CES1: variants seen among roughly 807,000 people sequenced by gnomAD.
CES1 encodes the protein carboxylesterase 1.
CES1 carries 50 observed loss-of-function variants against 53.0 expected under a neutral mutation model. The observed-to-expected ratio is 0.94, with a 90% CI of 0.75 to 1.19. CES1 has a LOEUF of 1.19. Among genes scored for constraint, CES1 ranks in the 50% most tolerant of loss-of-function variants. CES1 has a pLI of 0.00. For synonymous variants in CES1, 202 were observed against 210.1 expected, an observed-to-expected ratio of 0.96 and a Z score of 0.33; for missense variants, 534 against 538.0, an observed-to-expected ratio of 0.99 and a Z score of 0.07.
intron 9 of CES1, among the ~76,000 whole-genome samples, chr16:55,811,551 C>T (rs1422790330): frequency 6.6e-6 from 1 of 152,192 alleles, no homozygotes; most frequent in African/African-American, 2.4e-5. Flanking sequence ...CACTCAGGGA[C>T]TCGACCAATC....
chr16:55,831,560 G>A (rs1297883329), intron 1 of CES1, among the ~76,000 whole-genome samples: 3 of 150,540 alleles, frequency 2.0e-5, no homozygotes, highest in Non-Finnish European at 4.4e-5. Flanking sequence ...GCCTTGCTGG[G>A]TAGGCATCAA....
intron 2 of CES1, 48 bp from the exon 3 acceptor site, chr16:55,826,343 G>C (rs777066743): frequency 6.2e-7 from 1 of 1,611,594 alleles, no homozygotes; most frequent in Admixed American, 1.7e-5. Flanking sequence ...AGATCTAAGC[G>C]AGGTGTTTTC....
chr16:55,812,535 C>T (rs538767989), intron 9 of CES1: 11 of 354,554 alleles, frequency 3.1e-5, no homozygotes, highest in East Asian at 1.6e-4. Context: ...ACACCCAGCC[C>T]GAGGTGGGAA....
At chr16:55,829,092 C>T (rs1474774770) in intron 1 of CES1, 118 bp from the exon 2 acceptor site, 38 of 1,133,548 alleles carry the variant, frequency 3.4e-5, no homozygotes, top group Non-Finnish European at 4.6e-5. Context: ...ACCCTCTAGG[C>T]CTCAGTTTCT....
chr16:55,830,819 A>AAGGAAGGCAGGAAGGCAGGC (rs1454708070), intron 1 of CES1, among the ~76,000 whole-genome samples: 1 of 127,288 alleles, frequency 7.9e-6, no homozygotes, highest in African/African-American at 3.5e-5. Context: ...GGAAGGAAGG[A>AAGGAAGGCAGGAAGGCAGGC]AGGCAGGCAG....
intron 10 of CES1, 95 bp from the exon 11 acceptor site, chr16:55,810,759 G>A: frequency 1.3e-6 from 2 of 1,516,232 alleles, no homozygotes; most frequent in Non-Finnish European, 1.8e-6. Flanking sequence ...AACCCCATAA[G>A]CCCTGTGCAA....
At chr16:55,815,718 T>C (rs1205376662) in intron 8 of CES1, among the ~76,000 whole-genome samples, 1 of 146,218 alleles carries the variant, frequency 6.8e-6, no homozygotes, top group Non-Finnish European at 1.5e-5. Flanking sequence ...AGCCCTTGCC[T>C]GGATTATGGC....
chr16:55,808,681 C>T (rs1475815054), intron 11 of CES1, among the ~76,000 whole-genome samples: 1 of 152,092 alleles, frequency 6.6e-6, no homozygotes, highest in African/African-American at 2.4e-5. Flanking sequence ...TTAGGCTGAG[C>T]TCAATGTTAT....
rs12149371 is a variant in CES1, at chr16:55,833,094, T to A, written c.-39A>T. 9 of 1,452,128 alleles carry A rather than the reference T, an allele frequency of 6.2e-6. No individual in the cohort carries two copies. Among genetic ancestry groups the A allele is most frequent in the Non-Finnish European group, 8.6e-6 (9 of 1,052,508 alleles). The allele number at this position is 1,452,128 out of a possible 1,614,324, so 90.0% of individuals were successfully genotyped here. On this transcript the variant is annotated 5_prime_UTR_variant, in exon 1 of 14. Transcript: ENST00000360526. ...CAGTTCTCGGGGCCTGCGAGGTCTC[T>A]GTGCAGTTCAGAGGGACTGTGCTGT...
intron 1 of CES1, among the ~76,000 whole-genome samples, chr16:55,830,320 C>CA (rs1235984720): frequency 1.3e-5 from 2 of 152,282 alleles, no homozygotes; most frequent in East Asian, 3.9e-4. Context: ...TCCTTGGAAG[C>CA]ATGTTTATCG....
chr16:55,831,580 T>C (rs1291339136), intron 1 of CES1, among the ~76,000 whole-genome samples: 3 of 150,260 alleles, frequency 2.0e-5, no homozygotes, highest in African/African-American at 7.3e-5. Context: ...ACATGCCCAT[T>C]TTACAGAGGA....
At position 55,830,685 on chromosome 16, in the gene CES1, C is replaced by A. The variant is rs1256434476; in HGVS notation, c.53-1711G>T. ...GGGTGTGGTAGCATGTGCCTGTAAT[C>A]CTGGCTCCTCCAGAGAGAGAGAAGA... On this transcript the variant is annotated intron_variant, in intron 1 of 13. Coordinates refer to ENST00000360526, the MANE Select transcript of CES1 (RefSeq NM_001025195.2). Among the ~76,000 whole-genome samples the A allele has an allele frequency of 4.7e-5, 7 of 150,334 alleles. 1 individual carries two copies. The highest frequency in any genetic ancestry group is 1.7e-4 in the African/African-American group (7 of 40,664).
chr16:55,832,479 G>A (rs28379974), intron 1 of CES1, among the ~76,000 whole-genome samples: 6,134 of 151,952 alleles, frequency 0.04, 413 homozygotes, highest in African/African-American at 0.14. Flanking sequence ...TTTAGAAACA[G>A]CCACCCATTT....
chr16:55,826,291 T>C lies in CES1; in HGVS notation c.265A>G (p.Thr89Ala). Reference sequence around the variant, plus strand: ...AACTGCCCCGCCTTGGGATCTTGGGTGCACCTGGGGAGGGGGAAAGAAGAA... The same window carrying C: ...AACTGCCCCGCCTTGGGATCTTGGGCGCACCTGGGGAGGGGGAAAGAAGAA... ...KNATSYPPMC[T>A]QDPKAGQLLS... is the part of the protein sequence containing the mutation. The change falls in exon 3 of 14, where the codon ACC becomes GCC. Residue 89 changes from threonine (T) to alanine (A), a missense_variant. By Grantham distance (58) the Thr-to-Ala change is moderately conservative. Around this residue, in one of 5 missense-constraint regions of CES1, gnomAD observed 164 missense variants for 162.4 expected, o/e 1.01. Transcript: ENST00000360526. 6.2e-7 allele frequency: 1 copy of C among 1,614,000 alleles called. No individual in the cohort carries two copies. The highest frequency in any genetic ancestry group is 1.1e-5 in the South Asian group (1 of 91,074).
rs2031763380 is a variant in CES1 at position 55,812,908 on chromosome 16, G to A, written c.1081C>T (p.Pro361Ser). 6.2e-7 allele frequency: 1 copy of A among 1,614,012 alleles called. No individual in the cohort carries two copies. Among genetic ancestry groups the A allele is most frequent in the Non-Finnish European group, 8.5e-7 (1 of 1,180,050 alleles). The stretch of plus-strand genomic sequence containing the variant: ...ACAGACATGTGCCTTCTCACCATTG[G>A]AATCAACCAGCCAAACTCCTGCTTG... ...INKQEFGWLI[P>S]MQLMSYPLSE... is the part of the protein sequence containing the mutation. The change falls in exon 9 of 14, where the codon CCA (proline) becomes TCA (serine). Residue 361 changes from proline to serine, a missense_variant. Around this residue, in one of 5 missense-constraint regions of CES1, gnomAD observed 269 missense variants for 206.6 expected, o/e 1.30. Coordinates refer to ENST00000360526, the MANE Select transcript of CES1 (RefSeq NM_001025195.2).
Position 55,823,426 on chromosome 16 carries a change from A to G in CES1, c.539+124T>C, listed in dbSNP as rs1478575515. On this transcript the variant is annotated intron_variant, in intron 4 of 13. Transcript: ENST00000360526. ...GAGGGTAGGTAGTGTCCAATTACGAAGGGGCTTGGATGCCTTACTGTGGAA... is the reference window on the plus strand; with the variant it reads ...GAGGGTAGGTAGTGTCCAATTACGAGGGGGCTTGGATGCCTTACTGTGGAA... The G allele has an allele frequency of 5.8e-5, 65 of 1,120,738 alleles. No individual in the cohort carries two copies. In the South Asian group the frequency reaches 7.9e-4, roughly 14 times the overall value. The allele number at this position is 1,120,738 out of a possible 1,614,324, so 69.4% of individuals were successfully genotyped here. A position where few individuals can be genotyped will look rare whatever the true frequency, so the allele number is the denominator to read the frequency against.
At chr16:55,810,372 CA>C in intron 11 of CES1, 144 bp downstream of exon 11, 2 of 1,104,406 alleles carry the variant, frequency 1.8e-6, no homozygotes, top group South Asian at 2.6e-5. Flanking sequence ...CAAAATAAGA[CA>C]GCACCTCATC....
chr16:55,808,950 A>T (rs1233335857), intron 11 of CES1, among the ~76,000 whole-genome samples: 4 of 152,112 alleles, frequency 2.6e-5, no homozygotes, highest in Admixed American at 2.0e-4. Context: ...GAAATGAGTG[A>T]TACATAGTTT....
intron 8 of CES1, among the ~76,000 whole-genome samples, chr16:55,815,178 G>A (rs1430454188): frequency 6.6e-6 from 1 of 152,228 alleles, no homozygotes; most frequent in African/African-American, 2.4e-5. Flanking sequence ...GAGAAATGCT[G>A]TGGGGCAGGG....
Sources: gnomAD v4.1 joint callset for allele counts (sites outside exome capture counted in the v4.1 genomes callset) on GRCh38, gnomAD v4.1.1 for gene constraint, gnomAD v4.1.1 regional missense constraint, MANE v1.5 for transcripts, NCBI Gene and HGNC (gene_info 2026-07-23, HGNC 2026-07-21) for gene names.